AKAP6: variants seen among roughly 807,000 people sequenced by gnomAD.
The protein encoded by AKAP6 is A-kinase anchor protein 6.
AKAP6 carries 58 observed loss-of-function variants against 188.5 expected under a neutral mutation model. That is an observed-to-expected ratio of 0.31 (90% CI 0.25 to 0.38). AKAP6 has a LOEUF of 0.38. Ranked by LOEUF, AKAP6 falls within the 10% of genes least tolerant of loss-of-function variation. The pLI, the probability that AKAP6 is intolerant of heterozygous loss-of-function variation, is 1.00. For missense variants in AKAP6, 2,710 were observed against 2,740.0 expected (o/e 0.99, Z 0.24); for synonymous variants, 989 against 998.6 (o/e 0.99, Z 0.18).
At chr14:32,654,819 A>G (rs1027989563) in intron 7 of AKAP6, among the ~76,000 whole-genome samples, 3 of 151,362 alleles carry the variant, frequency 2.0e-5, no homozygotes, top group African/African-American at 7.3e-5. Context: ...ACTGCACTCC[A>G]GTCTGGGTGA....
chr14:32,664,179 T>C (rs1360577618), intron 7 of AKAP6, among the ~76,000 whole-genome samples: 1 of 152,156 alleles, frequency 6.6e-6, no homozygotes, highest in African/African-American at 2.4e-5. Context: ...ATTTGTATTT[T>C]TTAAGTCTCC....
intron 2 of AKAP6, among the ~76,000 whole-genome samples, chr14:32,451,395 A>C (rs1890930046): frequency 6.6e-6 from 1 of 152,148 alleles, no homozygotes; most frequent in Non-Finnish European, 1.5e-5. Flanking sequence ...TGTTCTGCAG[A>C]GTTTGCACAA....
intron 11 of AKAP6, among the ~76,000 whole-genome samples, chr14:32,759,307 A>G (rs2032456165): frequency 1.3e-5 from 2 of 152,212 alleles, no homozygotes; most frequent in South Asian, 4.1e-4. Context: ...AGCATAGACT[A>G]GGCAGTAACC....
intron 7 of AKAP6, among the ~76,000 whole-genome samples, chr14:32,624,474 T>A (rs1246427562): frequency 2.0e-5 from 3 of 152,154 alleles, no homozygotes; most frequent in Non-Finnish European, 4.4e-5. Context: ...AATATAGTTG[T>A]TGAGTGGCCC....
At chr14:32,717,958 T>C (rs1257234813) in intron 9 of AKAP6, among the ~76,000 whole-genome samples, 1 of 152,160 alleles carries the variant, frequency 6.6e-6, no homozygotes, top group African/African-American at 2.4e-5. Context: ...AGTAGGGTTC[T>C]TAAGTATGTG....
chr14:32,830,238 A>T lies in AKAP6; in HGVS notation c.*433A>T, dbSNP rs1357829938. On this transcript the variant is annotated 3_prime_UTR_variant, in exon 14 of 14. Transcript: ENST00000280979. ...CACCAGTACTTGACCAATTTCATGT[A>T]TCAATCTGGATTTTTTTTTAACGGT... 2.8e-6 allele frequency: 1 copy of T among 357,876 alleles called. No individual in the cohort carries two copies. The highest frequency in any genetic ancestry group is 5.0e-6 in the Non-Finnish European group (1 of 200,140). 22.2% of individuals were successfully genotyped at this position (357,876 alleles called of 1,614,324 possible). A position where few individuals can be genotyped will look rare whatever the true frequency, so the allele number is the denominator to read the frequency against.
In AKAP6 at chr14:32,831,494, A is replaced by T. The variant is rs2034818544; in HGVS notation, c.*1689A>T. ...AAAAGGTAAAGAATGTTGTGGGTTC[A>T]TGCAGTCACAGGAATGACAATCATT... On this transcript the variant is annotated 3_prime_UTR_variant, in exon 14 of 14. Coordinates refer to ENST00000280979, the MANE Select transcript of AKAP6 (RefSeq NM_004274.5). The T allele has an allele frequency of 1.3e-5, 2 of 152,218 alleles. No homozygotes were observed. Among genetic ancestry groups the T allele is most frequent in the Non-Finnish European group, 2.9e-5 (2 of 68,040 alleles). 9.4% of individuals were successfully genotyped at this position (152,218 alleles called of 1,614,324 possible).
intron 2 of AKAP6, among the ~76,000 whole-genome samples, chr14:32,469,284 T>A (rs749975954): frequency 9.2e-5 from 14 of 152,186 alleles, no homozygotes; most frequent in Non-Finnish European, 1.6e-4. Context: ...CACAACCTCC[T>A]TGGTATGCCA....
At chr14:32,500,109 T>A (rs1457959355) in intron 2 of AKAP6, among the ~76,000 whole-genome samples, 2 of 152,160 alleles carry the variant, frequency 1.3e-5, no homozygotes, top group African/African-American at 4.8e-5. Flanking sequence ...CCAGTTAGAC[T>A]AGGTCTTTAC....
intron 9 of AKAP6, among the ~76,000 whole-genome samples, chr14:32,714,103 CAG>C (rs1456015252): frequency 6.6e-6 from 1 of 151,958 alleles, no homozygotes; most frequent in Admixed American, 6.6e-5. Context: ...GTCTGAGGAA[CAG>C]AGAGAACTGC....
chr14:32,755,993 ACT>A (rs1227801884), intron 11 of AKAP6, among the ~76,000 whole-genome samples: 15 of 151,984 alleles, frequency 9.9e-5, no homozygotes, highest in African/African-American at 3.6e-4. Flanking sequence ...ATCAGGGAAA[ACT>A]CTTCACCAGT....
chr14:32,664,321 CATT>C (rs1167796485), intron 7 of AKAP6, among the ~76,000 whole-genome samples: 6 of 152,076 alleles, frequency 3.9e-5, no homozygotes, highest in South Asian at 2.1e-4. Flanking sequence ...TCATGGGAAT[CATT>C]GTTGTAGAGT....
chr14:32,494,245 G>C (rs559534622), intron 2 of AKAP6: 8 of 152,238 alleles, frequency 5.3e-5, no homozygotes, highest in African/African-American at 1.7e-4. Context: ...TCCAGACTCT[G>C]TCCTGGAGTT....
intron 4 of AKAP6, among the ~76,000 whole-genome samples, chr14:32,549,688 C>T (rs1245708535): frequency 6.6e-6 from 1 of 152,218 alleles, no homozygotes; most frequent in Non-Finnish European, 1.5e-5. Context: ...TTTTACGTGG[C>T]TTACCCTACT....
chr14:32,830,082 A>G lies in AKAP6; in HGVS notation c.*277A>G, dbSNP rs36216228. The G allele has an allele frequency of 1.5e-6, 1 of 658,438 alleles. No homozygotes were observed. Among genetic ancestry groups the G allele is most frequent in the Admixed American group, 2.1e-5 (1 of 46,770 alleles). 40.8% of individuals were successfully genotyped at this position (658,438 alleles called of 1,614,324 possible). A position where few individuals can be genotyped will look rare whatever the true frequency, so the allele number is the denominator to read the frequency against. ...TGTTCTCCCATGGATTCCTGTCCCA[A>G]GCTACCTCTACCAACCCTCTCTCTC... On this transcript the variant is annotated 3_prime_UTR_variant, in exon 14 of 14. Coordinates refer to ENST00000280979, the MANE Select transcript of AKAP6 (RefSeq NM_004274.5).
chr14:32,510,446 A>ACATATATATATG (rs1194404399), intron 2 of AKAP6, among the ~76,000 whole-genome samples: 42 of 22,648 alleles, frequency 1.9e-3, no homozygotes, highest in South Asian at 0.011. Context: ...GTGTATATAT[A>ACATATATATATG]TATACATATA....
At chr14:32,590,616 A>G (rs1162723878) in intron 5 of AKAP6, among the ~76,000 whole-genome samples, 1 of 152,188 alleles carries the variant, frequency 6.6e-6, no homozygotes, top group Non-Finnish European at 1.5e-5. Context: ...ACCATTTACA[A>G]ATCAAAATGG....
chr14:32,358,046 C>T (rs1015393509), intron 1 of AKAP6, among the ~76,000 whole-genome samples: 1 of 152,216 alleles, frequency 6.6e-6, no homozygotes, highest in African/African-American at 2.4e-5. Context: ...GACTCTGAAA[C>T]CACACTAGAC....
chr14:32,379,542 C>G (rs1788389779), intron 1 of AKAP6, among the ~76,000 whole-genome samples: 1 of 152,078 alleles, frequency 6.6e-6, no homozygotes, highest in African/African-American at 2.4e-5. Context: ...CTTCCTGTCC[C>G]TCCTCTCCTT....
Sources: allele counts gnomAD v4.1 joint callset (sites outside exome capture counted in the v4.1 genomes callset), GRCh38; gene constraint gnomAD v4.1.1; transcripts MANE v1.5; gene names NCBI Gene and HGNC (gene_info 2026-07-23, HGNC 2026-07-21).